PCDH11X: variants seen among roughly 807,000 people sequenced by gnomAD.
PCDH11X encodes protocadherin 11 X-linked.
PCDH11X carries 18 observed loss-of-function variants against 53.3 expected under a neutral mutation model. The ratio of observed to expected loss-of-function variants is 0.34; its 90% CI spans 0.23 to 0.50. The LOEUF (loss-of-function observed/expected upper bound fraction) is 0.50. Among genes scored for constraint, PCDH11X ranks in the 20% least tolerant of loss-of-function variants. The pLI is 0.98. For synonymous variants in PCDH11X, 279 were observed against 393.3 expected, an observed-to-expected ratio of 0.71 and a Z score of 3.44; for missense variants, 570 against 1,032.4, an observed-to-expected ratio of 0.55 and a Z score of 6.14.
chrX:91,865,074 T>C (rs1938892892), intron 5 of PCDH11X, among the ~76,000 whole-genome samples: 1 of 110,753 alleles, frequency 9.0e-6, no homozygotes, highest in African/African-American at 3.3e-5. Flanking sequence ...TTAGTGCTAA[T>C]AGATGTTCTT....
At chrX:92,321,663 A>C (rs752953966) in intron 8 of PCDH11X, among the ~76,000 whole-genome samples, 1 of 111,360 alleles carries the variant, frequency 9.0e-6, no homozygotes, top group Non-Finnish European at 1.9e-5. Context: ...TTGGTATCTT[A>C]TTACCACAAA....
intron 10 of PCDH11X, among the ~76,000 whole-genome samples, chrX:92,479,565 T>C (rs979617269): frequency 8.3e-5 from 9 of 108,850 alleles, no homozygotes; most frequent in Non-Finnish European, 1.5e-4. Context: ...GGTAATGAAT[T>C]CCCTCAGCAT....
intron 8 of PCDH11X, among the ~76,000 whole-genome samples, chrX:92,375,829 G>T (rs1301414583): frequency 9.3e-6 from 1 of 107,230 alleles, no homozygotes; most frequent in African/African-American, 3.4e-5. Context: ...TCACCATCTT[G>T]GCCAGGCTGG....
chrX:92,601,263 C>G (rs2148807905), intron 10 of PCDH11X, among the ~76,000 whole-genome samples: 1 of 104,064 alleles, frequency 9.6e-6, no homozygotes, highest in South Asian at 4.6e-4. Context: ...TGTCCCCACT[C>G]AAATTTCATC....
At chrX:92,282,887 T>G (rs749306415) in intron 8 of PCDH11X, among the ~76,000 whole-genome samples, 3 of 111,548 alleles carry the variant, frequency 2.7e-5, no homozygotes, top group Non-Finnish European at 3.8e-5. Flanking sequence ...TCACAAAATT[T>G]AAAAAGACAC....
intron 6 of PCDH11X, among the ~76,000 whole-genome samples, chrX:92,140,673 C>A (rs901032673): frequency 1.8e-5 from 2 of 111,262 alleles, no homozygotes; most frequent in African/African-American, 6.5e-5. Flanking sequence ...GAATAAATGG[C>A]CTTTTTTCAA....
intron 6 of PCDH11X, among the ~76,000 whole-genome samples, chrX:92,146,804 G>T (rs897193428): frequency 1.8e-5 from 2 of 110,527 alleles, no homozygotes; most frequent in African/African-American, 6.6e-5. Flanking sequence ...TTCGAGACCA[G>T]CCTGGCCAGC....
At chrX:92,070,043 A>G (rs1347956147) in intron 6 of PCDH11X, among the ~76,000 whole-genome samples, 4 of 111,747 alleles carry the variant, frequency 3.6e-5, no homozygotes, top group Non-Finnish European at 7.5e-5. Flanking sequence ...GCAAAAAAAA[A>G]CTAATAAAAA....
chrX:92,444,904 A>G (rs1195033588), intron 9 of PCDH11X, among the ~76,000 whole-genome samples: 9 of 94,341 alleles, frequency 9.5e-5, no homozygotes, highest in African/African-American at 3.4e-4. Flanking sequence ...CTCATGAATA[A>G]TGCCTATTCA....
chrX:92,117,207 C>T (rs1191962203), intron 6 of PCDH11X, among the ~76,000 whole-genome samples: 5 of 108,633 alleles, frequency 4.6e-5, no homozygotes, highest in African/African-American at 1.7e-4. Context: ...GAGGCCAAGG[C>T]GGGTGGATCA....
intron 10 of PCDH11X, among the ~76,000 whole-genome samples, chrX:92,564,073 G>A (rs1173623798): frequency 1.8e-5 from 2 of 109,527 alleles, no homozygotes; most frequent in Non-Finnish European, 1.9e-5. Context: ...AAAGTGAAAA[G>A]TCTCCACAAT....
intron 10 of PCDH11X, among the ~76,000 whole-genome samples, chrX:92,574,743 T>C (rs1366839659): frequency 7.2e-5 from 8 of 111,242 alleles, no homozygotes; most frequent in Non-Finnish European, 1.3e-4. Context: ...TAGTTGTTTA[T>C]GTGATTTCAG....
intron 6 of PCDH11X, among the ~76,000 whole-genome samples, chrX:92,132,358 C>G (rs1238575408): frequency 1.1e-5 from 1 of 91,466 alleles, no homozygotes; most frequent in Non-Finnish European, 2.1e-5. Context: ...CTTTTAATCC[C>G]AGCACTTTGG....
At chrX:92,391,836 GA>G (rs1410128108) in intron 9 of PCDH11X, among the ~76,000 whole-genome samples, 2 of 111,105 alleles carry the variant, frequency 1.8e-5, no homozygotes, top group African/African-American at 6.5e-5. Context: ...TTCATTGGAA[GA>G]GATAAAATAG....
intron 7 of PCDH11X, among the ~76,000 whole-genome samples, chrX:92,208,205 A>C (rs77209395): frequency 2.3e-5 from 1 of 43,144 alleles, no homozygotes; most frequent in Non-Finnish European, 5.1e-5. Context: ...AAAAAAAAAA[A>C]AAAAAAAAAA....
At chrX:91,805,548 C>T (rs1235048685) in intron 1 of PCDH11X, among the ~76,000 whole-genome samples, 1 of 111,354 alleles carries the variant, frequency 9.0e-6, no homozygotes, top group East Asian at 2.8e-4. Context: ...GGCACGGTGG[C>T]TCATACCTGT....
At chrX:92,093,102 A>G (rs2064076501) in intron 6 of PCDH11X, among the ~76,000 whole-genome samples, 1 of 111,425 alleles carries the variant, frequency 9.0e-6, no homozygotes, top group African/African-American at 3.3e-5. Flanking sequence ...CTCAGAAGCC[A>G]CTATGCTTCT....
At chrX:92,256,847 T>G (rs1195749027) in intron 7 of PCDH11X, among the ~76,000 whole-genome samples, 1 of 111,387 alleles carries the variant, frequency 9.0e-6, no homozygotes, top group East Asian at 2.9e-4. Context: ...TTGCTGAGGA[T>G]AATGGCTTCC....
At chrX:92,171,350 G>A (rs1422399525) in intron 6 of PCDH11X, among the ~76,000 whole-genome samples, 1 of 107,779 alleles carries the variant, frequency 9.3e-6, no homozygotes, top group Non-Finnish European at 1.9e-5. Flanking sequence ...CTACCCCAGA[G>A]GTTTTGATAG....
Sources: gnomAD v4.1 joint callset for allele counts (sites outside exome capture counted in the v4.1 genomes callset) on GRCh38, gnomAD v4.1.1 for gene constraint, MANE v1.5 for transcripts, NCBI Gene and HGNC (gene_info 2026-07-23, HGNC 2026-07-21) for gene names.